PCDHA8: variants seen among roughly 807,000 people sequenced by gnomAD.
PCDHA8 encodes protocadherin alpha-8.
In PCDHA8, 53 loss-of-function variants were observed where a neutral mutation model predicts 61.8. The ratio of observed to expected loss-of-function variants is 0.86; its 90% CI spans 0.69 to 1.08. The LOEUF (loss-of-function observed/expected upper bound fraction) is 1.08. Ranked by LOEUF, PCDHA8 falls within the 50% of genes least tolerant of loss-of-function variation. PCDHA8 has a pLI of 0.00. For synonymous variants in PCDHA8, 618 were observed against 556.6 expected (o/e 1.11, Z -1.55); for missense variants, 1,293 against 1,245.0 (o/e 1.04, Z -0.58).
intron 1 of PCDHA8, among the ~76,000 whole-genome samples, chr5:140,847,167 A>T (rs1354541358): frequency 6.7e-6 from 1 of 149,596 alleles, no homozygotes; most frequent in Non-Finnish European, 1.5e-5. Flanking sequence ...TGAGTAATAA[A>T]CTAAAGGGCC....
chr5:140,857,004 T>C (rs1554149409), intron 1 of PCDHA8: 1 of 1,595,634 alleles, frequency 6.3e-7, no homozygotes, highest in Non-Finnish European at 8.6e-7. Context: ...GAAATTCATG[T>C]AGATGTTACA....
chr5:140,936,000 C>G (rs370629183), intron 1 of PCDHA8, among the ~76,000 whole-genome samples: 1 of 150,536 alleles, frequency 6.6e-6, no homozygotes, highest in African/African-American at 2.4e-5. Flanking sequence ...TCAAGCGATT[C>G]TCCCACCTCA....
chr5:140,971,580 T>C (rs1028418438), intron 1 of PCDHA8, among the ~76,000 whole-genome samples: 9 of 152,154 alleles, frequency 5.9e-5, no homozygotes, highest in African/African-American at 2.2e-4. Context: ...TTTCTTTTTT[T>C]CCTACCTAGT....
chr5:140,850,152 G>A (rs1433217072), intron 1 of PCDHA8: 1 of 1,595,430 alleles, frequency 6.3e-7, no homozygotes, highest in Non-Finnish European at 8.6e-7. Flanking sequence ...GACGCTGCAG[G>A]TGTTCGTGCT....
At chr5:140,948,860 T>C (rs2094315023) in intron 1 of PCDHA8, among the ~76,000 whole-genome samples, 2 of 151,640 alleles carry the variant, frequency 1.3e-5, no homozygotes, top group Non-Finnish European at 3.0e-5. Flanking sequence ...CTTCTTATAT[T>C]ACTTCGGGTT....
intron 1 of PCDHA8, chr5:140,877,029 G>A (rs782501659): frequency 4.7e-5 from 75 of 1,612,228 alleles, no homozygotes; most frequent in Middle Eastern, 2.0e-4. Context: ...AGGTGTACGC[G>A]CTGCAGCCGC....
At chr5:140,846,565 G>A (rs1349132740) in intron 1 of PCDHA8, among the ~76,000 whole-genome samples, 1 of 147,896 alleles carries the variant, frequency 6.8e-6, no homozygotes, top group African/African-American at 2.5e-5. Flanking sequence ...TAGTAGAGTC[G>A]GGGTTTCACC....
intron 1 of PCDHA8, among the ~76,000 whole-genome samples, chr5:140,912,788 A>G (rs1467959281): frequency 6.6e-6 from 1 of 152,104 alleles, no homozygotes; most frequent in East Asian, 1.9e-4. Context: ...CTTCTATGCC[A>G]ATTTTCTTGA....
chr5:141,000,499 C>T (rs2097942558), intron 3 of PCDHA8, among the ~76,000 whole-genome samples: 1 of 138,650 alleles, frequency 7.2e-6, no homozygotes, highest in African/African-American at 2.7e-5. Context: ...AAGATCTCGG[C>T]TCACTGCAAC....
rs1169646324 is a variant in PCDHA8 at position 141,011,134 on chromosome 5, ATACACAACCT to A, written c.*1199_*1208del. The A allele has an allele frequency of 6.5e-6, 1 of 153,688 alleles. No homozygotes were observed. Among genetic ancestry groups the A allele is most frequent in the East Asian group, 1.9e-4 (1 of 5,194 alleles). The allele number at this position is 153,688 out of a possible 1,614,324, so 9.5% of individuals were successfully genotyped here. ...CTAAGAAACAATTATGTGCACTTTG[ATACACAACCT>A]TCTCTAACCAACTATATATCAAGAC... On this transcript the variant is annotated 3_prime_UTR_variant, in exon 4 of 4. Transcript: ENST00000531613.
intron 1 of PCDHA8, among the ~76,000 whole-genome samples, chr5:140,964,317 G>A (rs1042787994): frequency 2.0e-5 from 3 of 152,218 alleles, no homozygotes; most frequent in Non-Finnish European, 4.4e-5. Context: ...GCCTAAAACA[G>A]CATAATGGAC....
intron 1 of PCDHA8, chr5:140,862,204 A>C: frequency 5.7e-6 from 1 of 176,474 alleles, no homozygotes; most frequent in Non-Finnish European, 1.2e-5. Flanking sequence ...ATGTTTGATC[A>C]CTGCACAGAC....
chr5:140,951,703 C>T (rs1000873823), intron 1 of PCDHA8, among the ~76,000 whole-genome samples: 3 of 152,110 alleles, frequency 2.0e-5, no homozygotes, highest in Non-Finnish European at 2.9e-5. Context: ...GAGCTTTGGG[C>T]GGGGACACAG....
intron 1 of PCDHA8, among the ~76,000 whole-genome samples, chr5:140,960,750 A>C (rs1367583531): frequency 6.6e-6 from 1 of 152,048 alleles, no homozygotes; most frequent in African/African-American, 2.4e-5. Context: ...CATGGCTAAA[A>C]TCCCAAGAGT....
chr5:140,857,573 G>A (rs142356019), intron 1 of PCDHA8: 83,412 of 1,596,632 alleles, frequency 0.052, 9,343 homozygotes, highest in Middle Eastern at 0.089. Flanking sequence ...CTACGTGTCG[G>A]TGCACGCGGA....
rs139576828 is a variant in PCDHA8 at position 140,850,837 on chromosome 5, G to T, written c.2394+7122G>T. 6 of 1,597,642 alleles carry T rather than the reference G, an allele frequency of 3.8e-6. No individual in the cohort carries two copies. In the African/African-American group the frequency reaches 8.1e-5, roughly 21 times the overall value. On this transcript the variant is annotated intron_variant, in intron 1 of 3. Transcript: ENST00000531613. The stretch of plus-strand genomic sequence containing the variant: ...AGCCCGGGCCTTTCTCCTTGTGCTG[G>T]ATCTACAGAGCGAACGGGAGAACCC...
chr5:140,917,396 G>C (rs928504202), intron 1 of PCDHA8, among the ~76,000 whole-genome samples: 2 of 151,286 alleles, frequency 1.3e-5, no homozygotes, highest in East Asian at 3.9e-4. Flanking sequence ...ATGTGCAGAA[G>C]CTCTTTAGTT....
At chr5:141,007,000 G>A (rs2098298646) in intron 3 of PCDHA8, among the ~76,000 whole-genome samples, 1 of 152,128 alleles carries the variant, frequency 6.6e-6, no homozygotes, top group South Asian at 2.1e-4. Flanking sequence ...ATATAAGTCT[G>A]CATCTCATCA....
intron 1 of PCDHA8, among the ~76,000 whole-genome samples, chr5:140,911,641 C>A (rs1403591383): frequency 6.6e-6 from 1 of 152,174 alleles, no homozygotes; most frequent in East Asian, 1.9e-4. Flanking sequence ...AAAGGTATTA[C>A]ATATAGAGTT....
Sources: allele counts gnomAD v4.1 joint callset (sites outside exome capture counted in the v4.1 genomes callset), GRCh38; gene constraint gnomAD v4.1.1; transcripts MANE v1.5; gene names NCBI Gene and HGNC (gene_info 2026-07-23, HGNC 2026-07-21).